The following BTD variants were observed in gnomAD, a reference collection of about 807,000 sequenced individuals.
BTD encodes biotinidase.
In BTD, 13 loss-of-function variants were observed where a neutral mutation model predicts 17.7. The observed-to-expected ratio is 0.74, with a 90% CI of 0.48 to 1.17. BTD has a LOEUF of 1.17. Ranked by LOEUF, BTD falls within the 50% of genes most tolerant of loss-of-function variation. The pLI, the probability that BTD is intolerant of heterozygous loss-of-function variation, is 0.00. For synonymous variants in BTD, 240 were observed against 245.2 expected, an observed-to-expected ratio of 0.98 and a Z score of 0.20; for missense variants, 674 against 650.4, an observed-to-expected ratio of 1.04 and a Z score of -0.39.
rs1452021141 is a variant in BTD at position 15,720,140 on chromosome 3, A to G, written c.1016-1630A>G. On this transcript the variant is annotated intron_variant, in intron 4 of 4. Coordinates refer to the BTD transcript ENST00000672427. ...TGGCCTCCCAAAGTGGTGGGATTAC[A>G]GGTAGGAGCCACTATGCCAGCCCAG... Among the ~76,000 whole-genome samples, 5 of 152,178 alleles carry G rather than the reference A, an allele frequency of 3.3e-5. No individual in the cohort carries two copies. In the South Asian group the frequency reaches 1.0e-3, roughly 32 times the overall value.
chr3:15,686,515 A>G, intron 3 of BTD: 1 of 576,432 alleles, frequency 1.7e-6, no homozygotes, highest in East Asian at 3.0e-5. Context: ...ACAGTAAAAC[A>G]TGACAGGCAG....
intron 3 of BTD, among the ~76,000 whole-genome samples, chr3:15,700,020 T>C (rs1054299371): frequency 6.6e-6 from 1 of 152,126 alleles, no homozygotes; most frequent in African/African-American, 2.4e-5. Context: ...ATTAAGAAAA[T>C]GTGGCACATA....
At chr3:15,656,840 T>G (rs2065875789), downstream of BTD, among the ~76,000 whole-genome samples, 1 of 152,252 alleles carries the variant, frequency 6.6e-6, no homozygotes, top group Non-Finnish European at 1.5e-5. Context: ...TAACTTAAGT[T>G]TCACTAAGTT....
intron 3 of BTD, chr3:15,684,352 G>A (rs2067869844): frequency 6.6e-6 from 1 of 152,278 alleles, no homozygotes; most frequent in Non-Finnish European, 1.5e-5. Context: ...GAGCCTGTAG[G>A]AGGCCAAAGA....
At chr3:15,699,575 G>A (rs1268612653) in intron 3 of BTD, among the ~76,000 whole-genome samples, 1 of 152,124 alleles carries the variant, frequency 6.6e-6, no homozygotes, top group Non-Finnish European at 1.5e-5. Flanking sequence ...GTGGGCAAAG[G>A]ATATGAACAG....
At chr3:15,641,145 G>C (rs754672591) in intron 2 of BTD, among the ~76,000 whole-genome samples, 1 of 152,156 alleles carries the variant, frequency 6.6e-6, no homozygotes, top group African/African-American at 2.4e-5. Context: ...AGGGAGTTCC[G>C]GGCCATCACA....
At position 15,694,731 on chromosome 3, in the gene BTD, G is replaced by A. The variant is rs775417972; in HGVS notation, c.400-15329G>A. On this transcript the variant is annotated intron_variant, in intron 3 of 3. Coordinates refer to the BTD transcript ENST00000672141. ...AGCCATCAAGTCGGCTATGAAGGCA[G>A]TACTCACAGCCAAGTGTAAAGGGCT... The A allele has an allele frequency of 6.2e-6, 10 of 1,612,234 alleles. No homozygotes were observed. The Admixed American group carries it at 1.5e-4, about 24-fold the overall frequency.
chr3:15,676,209 C>T, intron 3 of BTD: 2 of 400,060 alleles, frequency 5.0e-6, no homozygotes, highest in Non-Finnish European at 8.9e-6. Context: ...TCAAGCTCAG[C>T]CATAGGTCCC....
chr3:15,696,581 T>C (rs1449214696), intron 3 of BTD, among the ~76,000 whole-genome samples: 2 of 152,092 alleles, frequency 1.3e-5, no homozygotes, highest in Admixed American at 1.3e-4. Flanking sequence ...GATTAAACTT[T>C]TCGTGGTGGT....
At chr3:15,623,565 CT>C (rs1418118850) in intron 1 of BTD, among the ~76,000 whole-genome samples, 15 of 152,046 alleles carry the variant, frequency 9.9e-5, no homozygotes, top group Non-Finnish European at 2.1e-4. Flanking sequence ...CTGAAAGTAT[CT>C]TATTTCTCTG....
chr3:15,634,354 C>T (rs1163815926), intron 1 of BTD, among the ~76,000 whole-genome samples: 1 of 152,140 alleles, frequency 6.6e-6, no homozygotes, highest in Non-Finnish European at 1.5e-5. Context: ...TTGTTCAGCC[C>T]CAGGACATCT....
At chr3:15,612,846 C>CACA (rs2064677319) in intron 1 of BTD, among the ~76,000 whole-genome samples, 2 of 152,286 alleles carry the variant, frequency 1.3e-5, no homozygotes, top group South Asian at 2.1e-4. Context: ...GTCAGCATCT[C>CACA]ACAAGGCTAC....
At chr3:15,638,328 T>C (rs1178237032) in intron 2 of BTD, among the ~76,000 whole-genome samples, 1 of 152,092 alleles carries the variant, frequency 6.6e-6, no homozygotes, top group African/African-American at 2.4e-5. Flanking sequence ...CAGAAACAAC[T>C]GGTTCAGGAG....
chr3:15,607,535 G>C (rs1014527220), intron 1 of BTD, among the ~76,000 whole-genome samples: 43 of 152,298 alleles, frequency 2.8e-4, no homozygotes, highest in African/African-American at 9.9e-4. Context: ...CCCCCAAATT[G>C]GGATAGTGCA....
intron 3 of BTD, among the ~76,000 whole-genome samples, chr3:15,673,391 A>T (rs2066578119): frequency 1.3e-5 from 2 of 152,226 alleles, no homozygotes; most frequent in Non-Finnish European, 2.9e-5. Context: ...GCAAATATTC[A>T]CTGAGCCTCC....
chr3:15,666,240 AGT>A lies in BTD; in HGVS notation c.399+24190_399+24191del, dbSNP rs745564424. Among the ~76,000 whole-genome samples the A allele has an allele frequency of 3.9e-5, 6 of 152,358 alleles. No homozygotes were observed. In the South Asian group the frequency reaches 6.2e-4, roughly 16 times the overall value. ...GGGGAACTTACATAATTTAGTATTC[AGT>A]GTGTGTCTCAACTTCAAAATCAACA... On this transcript the variant is annotated intron_variant, in intron 3 of 3. Transcript: ENST00000672141.
At chr3:15,636,220 G>T (rs997714601) in intron 2 of BTD, among the ~76,000 whole-genome samples, 3 of 152,212 alleles carry the variant, frequency 2.0e-5, no homozygotes, top group African/African-American at 7.2e-5. Flanking sequence ...AAGCTTCACT[G>T]AAGTAGTAAG....
chr3:15,678,018 T>G (rs895420185), intron 3 of BTD, among the ~76,000 whole-genome samples: 1 of 152,196 alleles, frequency 6.6e-6, no homozygotes, highest in African/African-American at 2.4e-5. Context: ...CATGGTAAAG[T>G]AGACTCCTCA....
In BTD at chr3:15,645,139, A is replaced by G; in HGVS notation, c.1223A>G (p.Tyr408Cys). Reference protein sequence around the residue: ...CSNGLCCYLLYERPTLSKELY... With the variant: ...CSNGLCCYLLCERPTLSKELY... Reference sequence around the variant, plus strand: ...AATGGCCTCTGCTGTTATTTACTTTACGAGAGGCCCACCTTATCCAAAGAG... The same window carrying G: ...AATGGCCTCTGCTGTTATTTACTTTGCGAGAGGCCCACCTTATCCAAAGAG... The change falls in exon 4 of 4, where the codon TAC becomes TGC. Residue 408 changes from tyrosine (Y) to cysteine (C), a missense_variant. Physicochemically the swap from Tyr to Cys is radical, Grantham distance 194 (BLOSUM62 -2). Transcript: ENST00000643237. 6.2e-7 allele frequency: 1 copy of G among 1,614,124 alleles called. No individual in the cohort carries two copies. The highest frequency in any genetic ancestry group is 1.1e-5 in the South Asian group (1 of 91,080).
Sources: allele counts gnomAD v4.1 joint callset (sites outside exome capture counted in the v4.1 genomes callset), GRCh38; gene constraint gnomAD v4.1.1; transcripts MANE v1.5; gene names NCBI Gene and HGNC (gene_info 2026-07-23, HGNC 2026-07-21).